The following ADAMTS12 variants were observed in gnomAD, a reference collection of about 807,000 sequenced individuals.
ADAMTS12 encodes the protein ADAM metallopeptidase with thrombospondin type 1 motif 12.
ADAMTS12 carries 118 observed loss-of-function variants against 167.8 expected under a neutral mutation model. That is an observed-to-expected ratio of 0.70 (90% confidence interval 0.61 to 0.82). The LOEUF (loss-of-function observed/expected upper bound fraction) is 0.82, where lower values mean the gene tolerates loss of function less well. Ranked by LOEUF, ADAMTS12 falls within the 40% of genes least tolerant of loss-of-function variation. ADAMTS12 has a pLI of 0.00. For missense variants in ADAMTS12, 1,916 were observed against 1,998.8 expected (o/e 0.96, Z 0.79); for synonymous variants, 704 against 716.9 (o/e 0.98, Z 0.29).
chr5:33,700,005 T>C (rs1378985256), intron 3 of ADAMTS12, among the ~76,000 whole-genome samples: 1 of 152,186 alleles, frequency 6.6e-6, no homozygotes, highest in African/African-American at 2.4e-5. Context: ...TATTGCTATA[T>C]ATCTATCAGA....
intron 2 of ADAMTS12, among the ~76,000 whole-genome samples, chr5:33,861,161 G>C (rs572771511): frequency 6.6e-6 from 1 of 152,258 alleles, no homozygotes; most frequent in South Asian, 2.1e-4. Context: ...CATAATGACA[G>C]AATCAAATTC....
intron 2 of ADAMTS12, among the ~76,000 whole-genome samples, chr5:33,794,055 G>A (rs918200015): frequency 1.3e-5 from 2 of 152,160 alleles, no homozygotes; most frequent in Non-Finnish European, 2.9e-5. Context: ...GGTGCCCAGC[G>A]GGAATGGGCT....
At chr5:33,818,097 AGT>A (rs894625307) in intron 2 of ADAMTS12, among the ~76,000 whole-genome samples, 1 of 152,144 alleles carries the variant, frequency 6.6e-6, no homozygotes, top group Non-Finnish European at 1.5e-5. Context: ...CATCTCACAT[AGT>A]TACTTTGTTG....
chr5:33,527,886 A>G (rs1274770692), intron 23 of ADAMTS12, among the ~76,000 whole-genome samples: 1 of 152,194 alleles, frequency 6.6e-6, no homozygotes, highest in African/African-American at 2.4e-5. Context: ...AAGCTCAATC[A>G]TGTGAACCTT....
At chr5:33,830,053 G>T (rs1278908041) in intron 2 of ADAMTS12, among the ~76,000 whole-genome samples, 1 of 152,202 alleles carries the variant, frequency 6.6e-6, no homozygotes, top group East Asian at 1.9e-4. Flanking sequence ...CAGTGGCTTT[G>T]ATATAAATCA....
intron 7 of ADAMTS12, among the ~76,000 whole-genome samples, chr5:33,653,430 A>G (rs980787279): frequency 6.6e-6 from 1 of 151,660 alleles, no homozygotes; most frequent in Non-Finnish European, 1.5e-5. Context: ...ATATTTTGTT[A>G]ATTTTTTTAC....
chr5:33,621,513 A>C (rs1483290011), intron 14 of ADAMTS12, among the ~76,000 whole-genome samples: 1 of 152,000 alleles, frequency 6.6e-6, no homozygotes, highest in Non-Finnish European at 1.5e-5. Context: ...GCTAACACAC[A>C]TCTTATCCAA....
chr5:33,639,591 C>A lies in ADAMTS12; in HGVS notation c.1719-1845G>T, dbSNP rs1740363500. ...CAGATGAAATCGTATTCCAGGGACA[C>A]AGAAAGCTAGAACAGCTCCCCAAAG... is the stretch of plus-strand genomic sequence containing the variant. On this transcript the variant is annotated intron_variant, in intron 11 of 23. Coordinates refer to ENST00000504830, the MANE Select transcript of ADAMTS12 (RefSeq NM_030955.4). Among the ~76,000 whole-genome samples, 3 of 152,294 alleles carry A rather than the reference C, an allele frequency of 2.0e-5. No homozygotes were observed. In the South Asian group the frequency reaches 6.2e-4, roughly 32 times the overall value.
chr5:33,795,651 A>G (rs1245370109), intron 2 of ADAMTS12, among the ~76,000 whole-genome samples: 4 of 152,120 alleles, frequency 2.6e-5, no homozygotes, highest in Non-Finnish European at 5.9e-5. Context: ...CTATACTCCC[A>G]ATGTGGAGGA....
At chr5:33,655,628 T>TAATTTAATTTA (rs70964409) in intron 7 of ADAMTS12, among the ~76,000 whole-genome samples, 53,108 of 145,650 alleles carry the variant, frequency 0.36, 10,986 homozygotes, top group East Asian at 0.53. Context: ...TAGTTTTATT[T>TAATTTAATTTA]ATTTAATTTA....
intron 3 of ADAMTS12, among the ~76,000 whole-genome samples, chr5:33,686,651 C>T (rs1019711236): frequency 6.6e-6 from 1 of 151,570 alleles, no homozygotes; most frequent in Admixed American, 6.6e-5. Context: ...ACAGTGGAGC[C>T]CCCATCATGG....
intron 2 of ADAMTS12, among the ~76,000 whole-genome samples, chr5:33,801,288 G>T (rs1287266835): frequency 1.3e-5 from 2 of 152,168 alleles, no homozygotes; most frequent in African/African-American, 4.8e-5. Flanking sequence ...TGATACAGGT[G>T]GGTAGCCTGA....
intron 16 of ADAMTS12, chr5:33,603,331 G>A (rs1738279713): frequency 6.6e-6 from 1 of 152,222 alleles, no homozygotes. Context: ...CTGTGGAGAT[G>A]AATATCTGTG....
At chr5:33,531,804 A>C (rs1305081636) in intron 23 of ADAMTS12, among the ~76,000 whole-genome samples, 1 of 152,222 alleles carries the variant, frequency 6.6e-6, no homozygotes, top group Non-Finnish European at 1.5e-5. Flanking sequence ...GCTTTTCAAT[A>C]GTCCTTGGAG....
chr5:33,804,409 C>G (rs932289952), intron 2 of ADAMTS12, among the ~76,000 whole-genome samples: 2 of 152,202 alleles, frequency 1.3e-5, no homozygotes, highest in Non-Finnish European at 2.9e-5. Context: ...AAGGAACATA[C>G]AGAGAGCAGA....
rs3037104 is a variant in ADAMTS12 at position 33,742,330 on chromosome 5, TAA to T, written c.634+9072_634+9073del. 8.9e-3 allele frequency among the ~76,000 whole-genome samples: 1,198 copies of T among 134,732 alleles called. 5 individuals carry two copies. Among genetic ancestry groups the T allele is most frequent in the African/African-American group, 0.022 (792 of 36,146 alleles). The allele number at this position is 134,732 out of a possible 152,430, so 88.4% of individuals were successfully genotyped here. A position where few individuals can be genotyped will look rare whatever the true frequency, so the allele number is the denominator to read the frequency against. On this transcript the variant is annotated intron_variant, in intron 3 of 23. Coordinates refer to ENST00000504830, the MANE Select transcript of ADAMTS12 (RefSeq NM_030955.4). ...TCTAACAAGTAAACTTCCTTCCCCG[TAA>T]AAAAAAAAAAAAAAAAAATGTGGTG...
chr5:33,869,982 T>C (rs1749973768), intron 2 of ADAMTS12, among the ~76,000 whole-genome samples: 1 of 152,172 alleles, frequency 6.6e-6, no homozygotes, highest in African/African-American at 2.4e-5. Context: ...TTCCCAGGGA[T>C]GTTAATTATT....
chr5:33,549,074 G>T, intron 21 of ADAMTS12, 133 bp downstream of exon 21: 1 of 1,148,174 alleles, frequency 8.7e-7, no homozygotes, highest in South Asian at 1.6e-5. Context: ...ACAGGGTGGG[G>T]TCACTGAACA....
intron 3 of ADAMTS12, among the ~76,000 whole-genome samples, chr5:33,695,459 T>G (rs1742721297): frequency 6.6e-6 from 1 of 152,192 alleles, no homozygotes; most frequent in Non-Finnish European, 1.5e-5. Context: ...TTCCTGTCCA[T>G]AAACAAATAA....
Sources: allele counts gnomAD v4.1 joint callset (sites outside exome capture counted in the v4.1 genomes callset), GRCh38; gene constraint gnomAD v4.1.1; transcripts MANE v1.5; gene names NCBI Gene and HGNC (gene_info 2026-07-23, HGNC 2026-07-21).